Variants in SORBS2 observed in about 807,000 individuals in gnomAD.
The protein encoded by SORBS2 is sorbin and SH3 domain-containing protein 2.
Under a neutral mutation model 97.7 loss-of-function variants are expected in SORBS2, and 46 were observed. The ratio of observed to expected loss-of-function variants is 0.47; its 90% CI spans 0.37 to 0.60. The LOEUF is 0.60. Ranked by LOEUF, SORBS2 falls within the 20% of genes least tolerant of loss-of-function variation. The pLI, the probability that SORBS2 is intolerant of heterozygous loss-of-function variation, is 0.00. For synonymous variants in SORBS2, 476 were observed against 473.4 expected (o/e 1.01, Z -0.07); for missense variants, 1,316 against 1,282.3 (o/e 1.03, Z -0.40).
intron 2 of SORBS2, among the ~76,000 whole-genome samples, chr4:185,709,645 T>C (rs1216661214): frequency 6.6e-6 from 1 of 152,146 alleles, no homozygotes; most frequent in East Asian, 1.9e-4. Flanking sequence ...TTAATGCCTG[T>C]GGCCATCTGT....
chr4:185,653,667 A>G (rs1199115556), intron 1 of SORBS2, among the ~76,000 whole-genome samples: 1 of 152,232 alleles, frequency 6.6e-6, no homozygotes, highest in Non-Finnish European at 1.5e-5. Context: ...AATAAATAAT[A>G]ACACTAGGGA....
intron 4 of SORBS2, among the ~76,000 whole-genome samples, chr4:185,633,278 G>T (rs1397686506): frequency 6.6e-6 from 1 of 152,094 alleles, no homozygotes; most frequent in Non-Finnish European, 1.5e-5. Context: ...TACCAGAAAT[G>T]TTTAATAACA....
At chr4:185,949,558 C>T (rs546085662) in intron 1 of SORBS2, among the ~76,000 whole-genome samples, 1 of 151,372 alleles carries the variant, frequency 6.6e-6, no homozygotes, top group African/African-American at 2.4e-5. Context: ...ACTAAGGGGG[C>T]GGGGGGCAGA....
intron 1 of SORBS2, among the ~76,000 whole-genome samples, chr4:185,888,820 C>T (rs1021363349): frequency 6.6e-6 from 1 of 152,202 alleles, no homozygotes; most frequent in African/African-American, 2.4e-5. Flanking sequence ...GGGAAAGCCC[C>T]GGAGTCCTCA....
At chr4:185,823,271 C>T (rs1034257155) in intron 1 of SORBS2, among the ~76,000 whole-genome samples, 1 of 152,170 alleles carries the variant, frequency 6.6e-6, no homozygotes, top group Non-Finnish European at 1.5e-5. Flanking sequence ...GCAAAATAAG[C>T]TTCTAAATTG....
At chr4:185,626,417 T>A (rs1330375217) in intron 6 of SORBS2, among the ~76,000 whole-genome samples, 1 of 152,238 alleles carries the variant, frequency 6.6e-6, no homozygotes, top group Non-Finnish European at 1.5e-5. Flanking sequence ...AACCAATGTA[T>A]ATTTTAGCCA....
intron 1 of SORBS2, among the ~76,000 whole-genome samples, chr4:185,937,383 T>A (rs1561318330): frequency 6.6e-6 from 1 of 152,218 alleles, no homozygotes; most frequent in African/African-American, 2.4e-5. Context: ...GAGCTATTGT[T>A]AGGGTGAAAT....
chr4:185,715,471 A>G (rs2098458165), intron 2 of SORBS2, among the ~76,000 whole-genome samples: 1 of 152,042 alleles, frequency 6.6e-6, no homozygotes, highest in African/African-American at 2.4e-5. Context: ...ATAAAAAGAA[A>G]TAATTTAACC....
At chr4:185,868,855 T>C (rs935643906) in intron 1 of SORBS2, among the ~76,000 whole-genome samples, 7 of 152,266 alleles carry the variant, frequency 4.6e-5, no homozygotes, top group Non-Finnish European at 1.0e-4. Context: ...CTTTGTCAGC[T>C]ATAAATCACA....
In SORBS2 at chr4:185,620,044, A is replaced by T. The variant is rs374734305; in HGVS notation, c.2304+19T>A. 6.8e-7 allele frequency: 1 copy of T among 1,462,544 alleles called. No individual in the cohort carries two copies. The highest frequency in any genetic ancestry group is 1.4e-5 in the African/African-American group (1 of 72,084). 90.6% of individuals were successfully genotyped at this position (1,462,544 alleles called of 1,614,324 possible). ...AAGTGTGTTGCTGTGAAAGACTCCA[A>T]TGCTATTAAATTAACTACCTCTTTT... is the stretch of plus-strand genomic sequence containing the variant. On this transcript the variant is annotated intron_variant, in intron 8 of 14. Coordinates refer to ENST00000418609, the Ensembl canonical transcript of SORBS2.
At chr4:185,650,922 C>A (rs1203871615) in intron 2 of SORBS2, among the ~76,000 whole-genome samples, 1 of 152,048 alleles carries the variant, frequency 6.6e-6, no homozygotes, top group Non-Finnish European at 1.5e-5. Flanking sequence ...GGAGCACAAT[C>A]CCAAATAGTT....
Position 185,666,256 on chromosome 4 carries a change from G to C in SORBS2, c.-45-4014C>G, listed in dbSNP as rs974398768. On this transcript the variant is annotated intron_variant, in intron 4 of 20. Transcript: ENST00000284776. ...GAGATAAATTATCCAATTAACAAAA[G>C]TACCTCTTTTTGCGATGTGGCAGAG... is the stretch of plus-strand genomic sequence containing the variant. 7.9e-6 allele frequency: 8 copies of C among 1,010,848 alleles called. No individual in the cohort carries two copies. The Admixed American group carries it at 1.9e-4, about 24-fold the overall frequency. 62.6% of individuals were successfully genotyped at this position (1,010,848 alleles called of 1,614,324 possible). A position where few individuals can be genotyped will look rare whatever the true frequency, so the allele number is the denominator to read the frequency against.
chr4:185,931,473 ATGGCCAAGAAGCAGGC>A (rs2099266403), intron 1 of SORBS2, among the ~76,000 whole-genome samples: 1 of 152,200 alleles, frequency 6.6e-6, no homozygotes, highest in South Asian at 2.1e-4. Flanking sequence ...GCGGAGACTG[ATGGCCAAGAAGCAGGC>A]TGCGGGTGAG....
intron 1 of SORBS2, among the ~76,000 whole-genome samples, chr4:185,884,445 G>A (rs2099238349): frequency 6.6e-6 from 1 of 152,142 alleles, no homozygotes; most frequent in Admixed American, 6.5e-5. Flanking sequence ...AAATAAGCAT[G>A]TGCTGTTTTT....
intron 1 of SORBS2, among the ~76,000 whole-genome samples, chr4:185,886,554 C>CAAAAAAAAAAAAAAAAAAAAAA (rs1198439527): frequency 5.5e-5 from 4 of 72,942 alleles, no homozygotes; most frequent in South Asian, 4.1e-4. Flanking sequence ...GACTCTGTCT[C>CAAAAAAAAAAAAAAAAAAAAAA]AAAAAAAAAA....
chr4:185,924,773 G>A (rs1237929940), intron 1 of SORBS2, among the ~76,000 whole-genome samples: 1 of 152,206 alleles, frequency 6.6e-6, no homozygotes, highest in Non-Finnish European at 1.5e-5. Context: ...CGCACAGCGA[G>A]TTTTCTCTTT....
At chr4:185,849,311 C>T (rs1035340655) in intron 1 of SORBS2, among the ~76,000 whole-genome samples, 1 of 152,158 alleles carries the variant, frequency 6.6e-6, no homozygotes, top group Non-Finnish European at 1.5e-5. Context: ...CGAATTCCGA[C>T]TTGAGACACT....
In SORBS2 at chr4:185,623,775, G is replaced by T. The variant is rs370277297; in HGVS notation, c.1354C>A (p.Arg452=). ...TCCAGCAAATACTCAATGGAAAACC[G>T]CCTCTTGGGACATAGGCCATTTTGC... Residue 452 remains arginine (R), a synonymous_variant, in exon 7 of 15, where the codon CGG becomes AGG. Coordinates refer to ENST00000418609, the Ensembl canonical transcript of SORBS2. The surrounding 1 kb of genome is among the most constrained non-coding windows in gnomAD (Gnocchi z 6.4). 3.5e-5 allele frequency: 57 copies of T among 1,613,762 alleles called. 1 individual carries two copies. In the South Asian group the frequency reaches 4.4e-4, roughly 12 times the overall value.
At chr4:185,715,150 T>C (rs767377421) in intron 2 of SORBS2, among the ~76,000 whole-genome samples, 1 of 152,210 alleles carries the variant, frequency 6.6e-6, no homozygotes, top group Non-Finnish European at 1.5e-5. Context: ...ATTCTGCTTT[T>C]GGATAGCATG....
Sources: allele counts gnomAD v4.1 joint callset (sites outside exome capture counted in the v4.1 genomes callset), GRCh38; gene constraint gnomAD v4.1.1; non-coding constraint Gnocchi (gnomAD v3.1); transcripts MANE v1.5; gene names NCBI Gene and HGNC (gene_info 2026-07-23, HGNC 2026-07-21).